LUC7L2: variants seen among roughly 807,000 people sequenced by gnomAD.
LUC7L2 encodes the protein putative RNA-binding protein Luc7-like 2.
A neutral mutation model predicts 52.8 loss-of-function variants in LUC7L2; 25 were observed. The observed-to-expected ratio is 0.47, with a 90% CI of 0.34 to 0.66. The LOEUF (loss-of-function observed/expected upper bound fraction) is 0.66. LUC7L2 is among the 30% of genes least tolerant of loss of function. The pLI, the probability that LUC7L2 is intolerant of heterozygous loss-of-function variation, is 0.01. For synonymous variants in LUC7L2, 144 were observed against 160.9 expected (o/e 0.89, Z 0.80); for missense variants, 328 against 497.8 (o/e 0.66, Z 3.25).
At chr7:139,360,756 G>A (rs1799836239) in intron 1 of LUC7L2, among the ~76,000 whole-genome samples, 1 of 152,098 alleles carries the variant, frequency 6.6e-6, no homozygotes, top group Admixed American at 6.6e-5. Flanking sequence ...CTAGAGAGAA[G>A]CTTCCCCCTC....
chr7:139,409,560 A>G lies in LUC7L2; in HGVS notation c.688-3A>G. On this transcript the variant is annotated splice_region_variant and splice_polypyrimidine_tract_variant and intron_variant, in intron 6 of 9. Coordinates refer to ENST00000354926, the MANE Select transcript of LUC7L2 (RefSeq NM_016019.5). Reference sequence around the variant, plus strand: ...ATTCTCCTCATTTATTACTGTTTTTAAGAGAGTCGTAGCTGAGAAGCAGGA... The same window carrying G: ...ATTCTCCTCATTTATTACTGTTTTTGAGAGAGTCGTAGCTGAGAAGCAGGA... 1 of 1,605,376 alleles carries G rather than the reference A, an allele frequency of 6.2e-7. No individual in the cohort carries two copies. The highest frequency in any genetic ancestry group is 8.5e-7 in the Non-Finnish European group (1 of 1,175,562).
chr7:139,415,419 A>G (rs1795549553), intron 8 of LUC7L2, among the ~76,000 whole-genome samples: 1 of 152,110 alleles, frequency 6.6e-6, no homozygotes, highest in Non-Finnish European at 1.5e-5. Flanking sequence ...TTTTAAAAAG[A>G]TGAATAAAGT....
rs1800382795 is a variant in LUC7L2, at chr7:139,370,379, G to C, written c.62-5683G>C. On this transcript the variant is annotated intron_variant, in intron 1 of 9. Transcript: ENST00000354926. Reference sequence around the variant, plus strand: ...TTTGAGGAAGATGTAAAAATGATCAGATTGGCTCCTTAGTATAAGAGTTAC... The same window carrying C: ...TTTGAGGAAGATGTAAAAATGATCACATTGGCTCCTTAGTATAAGAGTTAC... 1.3e-5 allele frequency among the ~76,000 whole-genome samples: 2 copies of C among 152,180 alleles called. 1 individual carries two copies. The highest frequency in any genetic ancestry group is 1.3e-4 in the Admixed American group (2 of 15,270).
intron 8 of LUC7L2, among the ~76,000 whole-genome samples, chr7:139,413,790 A>G (rs974891535): frequency 1.2e-4 from 19 of 152,192 alleles, no homozygotes; most frequent in African/African-American, 4.1e-4. Context: ...AAAGAAAAAC[A>G]AAAACCTTAC....
intron 6 of LUC7L2, 30 bp from the exon 7 acceptor site, chr7:139,409,533 A>G (rs1160209966): frequency 6.3e-7 from 1 of 1,583,006 alleles, no homozygotes; most frequent in Non-Finnish European, 8.6e-7. Flanking sequence ...GACTCAGTAA[A>G]TATTCTCCTC....
At chr7:139,391,479 A>G (rs1274944627) in intron 2 of LUC7L2, among the ~76,000 whole-genome samples, 2 of 152,342 alleles carry the variant, frequency 1.3e-5, no homozygotes, top group Non-Finnish European at 2.9e-5. Flanking sequence ...TACACTCAAA[A>G]TGTATAAATC....
chr7:139,366,910 T>G (rs1800186617), intron 1 of LUC7L2, among the ~76,000 whole-genome samples: 1 of 152,240 alleles, frequency 6.6e-6, no homozygotes, highest in Admixed American at 6.5e-5. Flanking sequence ...ATTAAAAGTT[T>G]GAGAAACCCT....
chr7:139,410,672 A>G (rs1795322497), intron 7 of LUC7L2, among the ~76,000 whole-genome samples: 1 of 152,198 alleles, frequency 6.6e-6, no homozygotes, highest in Non-Finnish European at 1.5e-5. Context: ...TCCTTGAATC[A>G]TACTACATTT....
rs140595036 is a variant in LUC7L2 at position 139,401,810 on chromosome 7, G to T, written c.256-327G>T. On this transcript the variant is annotated intron_variant, in intron 3 of 9. Coordinates refer to ENST00000354926, the MANE Select transcript of LUC7L2 (RefSeq NM_016019.5). The stretch of plus-strand genomic sequence containing the variant: ...GCTGTGTCACCCAGACTGGAGTGCA[G>T]TGGCATCATCAGGGCTCACTGCAGC... 8.7e-5 allele frequency among the ~76,000 whole-genome samples: 13 copies of T among 148,904 alleles called. No individual in the cohort carries two copies. The East Asian group carries it at 2.4e-3, about 27-fold the overall frequency.
intron 1 of LUC7L2, chr7:139,341,612 C>T: frequency 1.3e-6 from 2 of 1,529,558 alleles, no homozygotes; most frequent in East Asian, 2.3e-5. Context: ...TGTTTAATTC[C>T]TGCATTTCTG....
intron 1 of LUC7L2, among the ~76,000 whole-genome samples, chr7:139,366,052 T>G (rs1029985238): frequency 6.6e-6 from 1 of 152,258 alleles, no homozygotes; most frequent in East Asian, 1.9e-4. Context: ...CTCCATGTTT[T>G]TGTTTGAACT....
intron 1 of LUC7L2, among the ~76,000 whole-genome samples, chr7:139,350,273 C>T (rs935214665): frequency 7.2e-5 from 11 of 152,050 alleles, no homozygotes; most frequent in Non-Finnish European, 1.6e-4. Context: ...AGGCGCCCGC[C>T]ACCACGCCCG....
At chr7:139,407,141 T>C in intron 5 of LUC7L2, 33 bp from the exon 6 acceptor site, 1 of 1,589,368 alleles carries the variant, frequency 6.3e-7, no homozygotes, top group African/African-American at 1.4e-5. Context: ...TAGTGAGATT[T>C]ATATGGTCAT....
intron 7 of LUC7L2, among the ~76,000 whole-genome samples, chr7:139,412,230 A>C (rs904909688): frequency 1.3e-4 from 19 of 150,326 alleles, no homozygotes; most frequent in African/African-American, 3.7e-4. Context: ...AAAAAAAAAA[A>C]ACAAAAACAA....
rs1795976940 is a variant in LUC7L2 at position 139,423,399 on chromosome 7, T to C, written c.*1059T>C. The C allele has an allele frequency of 2.5e-6, 1 of 398,970 alleles. No individual in the cohort carries two copies. Among genetic ancestry groups the C allele is most frequent in the Non-Finnish European group, 4.4e-6 (1 of 226,044 alleles). The allele number at this position is 398,970 out of a possible 1,614,324, so 24.7% of individuals were successfully genotyped here. A position where few individuals can be genotyped will look rare whatever the true frequency, so the allele number is the denominator to read the frequency against. On this transcript the variant is annotated 3_prime_UTR_variant, in exon 10 of 10. Coordinates refer to ENST00000354926, the MANE Select transcript of LUC7L2 (RefSeq NM_016019.5). ...GAAGGGCTCGACCTGCAGAAGAAAC[T>C]GGGGTGTTTTTATTCTCATTCAACA...
At chr7:139,401,487 C>T (rs906618337) in intron 3 of LUC7L2, among the ~76,000 whole-genome samples, 2 of 152,134 alleles carry the variant, frequency 1.3e-5, no homozygotes, top group African/African-American at 2.4e-5. Flanking sequence ...CAGTCTCATT[C>T]TGTCACCCAG....
chr7:139,412,648 T>C (rs561881641), intron 8 of LUC7L2, 68 bp downstream of exon 8: 1 of 1,530,052 alleles, frequency 6.5e-7, no homozygotes, highest in Non-Finnish European at 8.8e-7. Flanking sequence ...TTTTATAGAT[T>C]GATTAAATGG....
intron 1 of LUC7L2, 112 bp downstream of exon 1, chr7:139,360,434 AT>A (rs1799811630): frequency 1.0e-6 from 1 of 969,046 alleles, no homozygotes; most frequent in Non-Finnish European, 1.5e-6. Flanking sequence ...GGGCTCCCAG[AT>A]TGGTAACACG....
At position 139,381,849 on chromosome 7, in the gene LUC7L2, T is replaced by C. The variant is rs568545588; in HGVS notation, c.156+5693T>C. 2.0e-5 allele frequency among the ~76,000 whole-genome samples: 3 copies of C among 150,660 alleles called. No homozygotes were observed. The East Asian group carries it at 5.9e-4, about 30-fold the overall frequency. On this transcript the variant is annotated intron_variant, in intron 2 of 9. Transcript: ENST00000354926. The stretch of plus-strand genomic sequence containing the variant: ...CCTCACCCTCTGAGAGTGCTGGGAT[T>C]ACAGGCATGAGCCACTGCGCCTGGC...
Sources: gnomAD v4.1 joint callset for allele counts (sites outside exome capture counted in the v4.1 genomes callset) on GRCh38, gnomAD v4.1.1 for gene constraint, MANE v1.5 for transcripts, NCBI Gene and HGNC (gene_info 2026-07-23, HGNC 2026-07-21) for gene names.